Variants in CHODL observed in about 807,000 individuals in gnomAD.
CHODL encodes chondrolectin.
A neutral mutation model predicts 34.5 loss-of-function variants in CHODL; 29 were observed. The ratio of observed to expected loss-of-function variants is 0.84; its 90% CI spans 0.63 to 1.15. The LOEUF (loss-of-function observed/expected upper bound fraction) is 1.15. Among genes scored for constraint, CHODL ranks in the 50% most tolerant of loss-of-function variants. The pLI, the probability that CHODL is intolerant of heterozygous loss-of-function variation, is 0.00. For missense variants in CHODL, 332 were observed against 332.5 expected (o/e 1.00, Z 0.01); for synonymous variants, 125 against 116.1 (o/e 1.08, Z -0.49).
At chr21:18,097,471 A>G (rs192206132) in intron 2 of CHODL, among the ~76,000 whole-genome samples, 1 of 152,248 alleles carries the variant, frequency 6.6e-6, no homozygotes, top group African/African-American at 2.4e-5. Context: ...AATCCCATTT[A>G]CAATAGCCAC....
intron 2 of CHODL, among the ~76,000 whole-genome samples, chr21:18,191,729 C>A (rs1217804366): frequency 6.6e-6 from 1 of 152,108 alleles, no homozygotes; most frequent in African/African-American, 2.4e-5. Flanking sequence ...CAAGATTTCG[C>A]TTATATATGA....
In CHODL at chr21:18,205,855, A is replaced by G. The variant is rs1038150834; in HGVS notation, c.-44-50654A>G. Among the ~76,000 whole-genome samples the G allele has an allele frequency of 4.6e-5, 7 of 151,706 alleles. No homozygotes were observed. In the East Asian group the frequency reaches 5.8e-4, roughly 13 times the overall value. On this transcript the variant is annotated intron_variant, in intron 2 of 6. Coordinates refer to the CHODL transcript ENST00000400127. ...ACGTTCAAGTGATTCTTCTGCCTCA[A>G]CGTCCCATGTAGCTTGGATTACAGG...
At chr21:18,142,404 A>AATAATTGGATAAGTAGGTTGAT (rs2072814637) in intron 2 of CHODL, among the ~76,000 whole-genome samples, 1 of 152,196 alleles carries the variant, frequency 6.6e-6, no homozygotes, top group Non-Finnish European at 1.5e-5. Context: ...AATATTAAAG[A>AATAATTGGATAAGTAGGTTGAT]AAGCATGGGA....
intron 1 of CHODL, among the ~76,000 whole-genome samples, chr21:17,985,724 GTGC>G (rs1651095456): frequency 6.6e-6 from 1 of 152,094 alleles, no homozygotes; most frequent in Admixed American, 6.6e-5. Flanking sequence ...TTGGGTTAAG[GTGC>G]TCTCTTCAAC....
intron 1 of CHODL, among the ~76,000 whole-genome samples, chr21:18,013,000 C>T (rs901736968): frequency 1.3e-5 from 2 of 152,078 alleles, no homozygotes; most frequent in East Asian, 3.9e-4. Context: ...GTTGGAAGTT[C>T]TGGTAATTAT....
At chr21:17,921,534 AG>A (rs1188023339) in intron 1 of CHODL, among the ~76,000 whole-genome samples, 1 of 152,170 alleles carries the variant, frequency 6.6e-6, no homozygotes, top group Non-Finnish European at 1.5e-5. Flanking sequence ...TGTAAACTCT[AG>A]GGGGATGAAG....
At chr21:18,003,835 C>T (rs1442915795) in intron 1 of CHODL, among the ~76,000 whole-genome samples, 1 of 152,170 alleles carries the variant, frequency 6.6e-6, no homozygotes, top group African/African-American at 2.4e-5. Flanking sequence ...GTTAGGGGTT[C>T]AGTATGTACA....
At chr21:17,950,497 AACACACACACACAC>A (rs200120318) in intron 1 of CHODL, among the ~76,000 whole-genome samples, 1 of 130,274 alleles carries the variant, frequency 7.7e-6, no homozygotes. Context: ...CTAGATACAC[AACACACACACACAC>A]ACACACACAC....
chr21:18,120,343 A>G (rs1450825901), intron 2 of CHODL, among the ~76,000 whole-genome samples: 2 of 152,316 alleles, frequency 1.3e-5, no homozygotes, highest in South Asian at 2.1e-4. Flanking sequence ...GAACTGGGAA[A>G]TTAATGTGCA....
rs111660775 is a variant in CHODL, at chr21:18,224,979, C to T, written c.-44-31530C>T. On this transcript the variant is annotated intron_variant, in intron 2 of 6. Transcript: ENST00000400127. ...TTATACAGATGTGTTCACTTTGTGA[C>T]GGTAAATTTATAGACTAGACATTTA... 2.5e-3 allele frequency among the ~76,000 whole-genome samples: 383 copies of T among 151,980 alleles called. 3 individuals are homozygous for T. The highest frequency in any genetic ancestry group is 8.5e-3 in the African/African-American group (351 of 41,474).
At chr21:17,961,047 C>A (rs529239836) in intron 1 of CHODL, among the ~76,000 whole-genome samples, 2 of 152,180 alleles carry the variant, frequency 1.3e-5, no homozygotes, top group African/African-American at 4.8e-5. Context: ...CATACAAAGA[C>A]GTGCCTTTGT....
At chr21:17,936,021 A>G (rs2063316157) in intron 1 of CHODL, among the ~76,000 whole-genome samples, 1 of 152,200 alleles carries the variant, frequency 6.6e-6, no homozygotes, top group Admixed American at 6.5e-5. Context: ...CTGCTTTATC[A>G]GCTTGAATTG....
At chr21:17,936,294 C>CA (rs2063318563) in intron 1 of CHODL, among the ~76,000 whole-genome samples, 1 of 151,886 alleles carries the variant, frequency 6.6e-6, no homozygotes, top group South Asian at 2.1e-4. Context: ...TTACGAGGTA[C>CA]AAAGATTTAG....
chr21:18,129,888 TTC>T (rs199736539), intron 2 of CHODL, among the ~76,000 whole-genome samples: 3 of 110,074 alleles, frequency 2.7e-5, no homozygotes, highest in African/African-American at 7.9e-5. Context: ...CTCTCTGTCT[TTC>T]TCTGTGTGTG....
intron 1 of CHODL, among the ~76,000 whole-genome samples, chr21:18,011,654 A>G (rs2064021016): frequency 6.6e-6 from 1 of 152,192 alleles, no homozygotes; most frequent in Non-Finnish European, 1.5e-5. Context: ...CTCAAGCTGA[A>G]GTTTAGTCCT....
chr21:18,225,779 A>G (rs1352112087), intron 2 of CHODL, among the ~76,000 whole-genome samples: 2 of 152,120 alleles, frequency 1.3e-5, no homozygotes, highest in East Asian at 3.9e-4. Flanking sequence ...GGAACAGGAG[A>G]AATTGGGAAC....
intron 1 of CHODL, chr21:18,245,817 A>G (rs2074133981): frequency 8.9e-7 from 1 of 1,119,526 alleles, no homozygotes; most frequent in Admixed American, 2.1e-5. Context: ...CTTTGTTCTC[A>G]GCAGGACTAC....
At chr21:18,076,769 C>A (rs1323157513) in intron 2 of CHODL, among the ~76,000 whole-genome samples, 2 of 152,196 alleles carry the variant, frequency 1.3e-5, no homozygotes, top group Non-Finnish European at 2.9e-5. Context: ...AAGGGTGGAG[C>A]CACTGGAGAG....
At chr21:18,096,095 T>C (rs1026547998) in intron 2 of CHODL, among the ~76,000 whole-genome samples, 1 of 152,150 alleles carries the variant, frequency 6.6e-6, no homozygotes, top group Non-Finnish European at 1.5e-5. Flanking sequence ...TTCTTACGAC[T>C]GTCTTTACTG....
Sources: gnomAD v4.1 joint callset for allele counts (sites outside exome capture counted in the v4.1 genomes callset) on GRCh38, gnomAD v4.1.1 for gene constraint, MANE v1.5 for transcripts, NCBI Gene and HGNC (gene_info 2026-07-23, HGNC 2026-07-21) for gene names.